UBE2E1: variants seen among roughly 807,000 people sequenced by gnomAD.
UBE2E1 encodes the protein ubiquitin conjugating enzyme E2 E1.
A neutral mutation model predicts 21.4 loss-of-function variants in UBE2E1; 6 were observed. That is an observed-to-expected ratio of 0.28 (90% CI 0.15 to 0.55). UBE2E1 has a LOEUF of 0.55. UBE2E1 is among the 20% of genes least tolerant of loss of function. The pLI, the probability that UBE2E1 is intolerant of heterozygous loss-of-function variation, is 0.93. For synonymous variants in UBE2E1, 87 were observed against 82.7 expected, an observed-to-expected ratio of 1.05 and a Z score of -0.28; for missense variants, 142 against 236.5, an observed-to-expected ratio of 0.60 and a Z score of 2.62.
Position 23,889,161 on chromosome 3 carries a change from T to C in UBE2E1, c.386T>C (p.Val129Ala). 6.2e-7 allele frequency: 1 copy of C among 1,611,818 alleles called. No individual in the cohort carries two copies. Among genetic ancestry groups the C allele is most frequent in the Non-Finnish European group, 8.5e-7 (1 of 1,179,612 alleles). ...IYHCNINSQG[V>A]ICLDILKDNW... ...CATTGTAATATTAACAGTCAAGGTG[T>C]TATTTGCTTGGACATATTGAAAGAT... Residue 129 changes from valine (V) to alanine (A), a missense_variant, in exon 5 of 6, where the codon GTT (valine) becomes GCT (alanine). This residue lies in a region of UBE2E1 where 87 missense variants were observed against 184.9 expected (regional missense o/e 0.47). Coordinates refer to ENST00000306627, the MANE Select transcript of UBE2E1 (RefSeq NM_003341.5).
chr3:23,819,780 T>G (rs915288725), intron 3 of UBE2E1, among the ~76,000 whole-genome samples: 12 of 152,330 alleles, frequency 7.9e-5, no homozygotes, highest in African/African-American at 2.9e-4. Flanking sequence ...CAAGCAGTTT[T>G]GGCAATTTTG....
intron 3 of UBE2E1, among the ~76,000 whole-genome samples, chr3:23,813,566 G>A (rs60283861): frequency 0.03 from 4,557 of 151,822 alleles, 229 homozygotes; most frequent in African/African-American, 0.1. Flanking sequence ...TTTTTGAGAC[G>A]GAGTCTTGCT....
rs1338744148 is a variant in UBE2E1 at position 23,816,300 on chromosome 3, C to G, written c.203+4790C>G. Among the ~76,000 whole-genome samples, 1 of 152,168 alleles carries G rather than the reference C, an allele frequency of 6.6e-6. No individual in the cohort carries two copies. Among genetic ancestry groups the G allele is most frequent in the African/African-American group, 2.4e-5 (1 of 41,426 alleles). On this transcript the variant is annotated intron_variant, in intron 3 of 5. Transcript: ENST00000306627. This position sits in a 1 kb window ranked among gnomAD's most constrained non-coding sequence, Gnocchi z 4.8. The stretch of plus-strand genomic sequence containing the variant: ...CAAAAAGTGGAAAAAACCCAAGTGT[C>G]TGTCAACAGATGAGTGGATAAACAA...
chr3:23,863,821 C>A lies in UBE2E1; in HGVS notation c.204-23746C>A, dbSNP rs551022515. On this transcript the variant is annotated intron_variant, in intron 3 of 5. Coordinates refer to ENST00000306627, the MANE Select transcript of UBE2E1 (RefSeq NM_003341.5). The surrounding 1 kb of genome is among the most constrained non-coding windows in gnomAD (Gnocchi z 4.3). ...CTGGGATTACAGGCGTGAACCACCGCGCCCAGCCTGAATTTTATCTTTTTT... is the reference window on the plus strand; with the variant it reads ...CTGGGATTACAGGCGTGAACCACCGAGCCCAGCCTGAATTTTATCTTTTTT... 6.6e-6 allele frequency among the ~76,000 whole-genome samples: 1 copy of A among 152,158 alleles called. No homozygotes were observed. The highest frequency in any genetic ancestry group is 2.4e-5 in the African/African-American group (1 of 41,426).
intron 3 of UBE2E1, among the ~76,000 whole-genome samples, chr3:23,871,702 G>A (rs1249438254): frequency 1.3e-5 from 2 of 151,672 alleles, no homozygotes; most frequent in South Asian, 2.1e-4. Flanking sequence ...ACGGGGTCGC[G>A]GCCGGGTAGA....
rs55941535 is a variant in UBE2E1 at position 23,842,198 on chromosome 3, GGTGTGTGTGTGTGT to G, written c.203+30726_203+30739del. ...TATGTCATGACCCAGTAAGTGAAGG[GGTGTGTGTGTGTGT>G]GTGTGTGTGTGTGTGTGTGTGTGTG... is the stretch of plus-strand genomic sequence containing the variant. On this transcript the variant is annotated intron_variant, in intron 3 of 5. Transcript: ENST00000306627. The surrounding 1 kb of genome is among the most constrained non-coding windows in gnomAD (Gnocchi z 4.6). Among the ~76,000 whole-genome samples, 2 of 104,284 alleles carry G rather than the reference GGTGTGTGTGTGTGT, an allele frequency of 1.9e-5. No homozygotes were observed. The highest frequency in any genetic ancestry group is 3.9e-5 in the Non-Finnish European group (2 of 50,894). 68.4% of individuals were successfully genotyped at this position (104,284 alleles called of 152,430 possible). A position where few individuals can be genotyped will look rare whatever the true frequency, so the allele number is the denominator to read the frequency against.
Position 23,834,651 on chromosome 3 carries a change from C to T in UBE2E1, c.203+23141C>T, listed in dbSNP as rs576718683. On this transcript the variant is annotated intron_variant, in intron 3 of 5. Coordinates refer to ENST00000306627, the MANE Select transcript of UBE2E1 (RefSeq NM_003341.5). The stretch of plus-strand genomic sequence containing the variant: ...AGCTGAGATGGGAGGATTTCTTGAC[C>T]CCAGGAGTTTGAGGCTGCAGTGGGC... Among the ~76,000 whole-genome samples the T allele has an allele frequency of 6.6e-5, 10 of 152,026 alleles. No homozygotes were observed. In the East Asian group the frequency reaches 1.9e-3, roughly 29 times the overall value.
chr3:23,810,507 G>C lies in UBE2E1; in HGVS notation c.153-953G>C. On this transcript the variant is annotated intron_variant, in intron 2 of 5. Coordinates refer to ENST00000306627, the MANE Select transcript of UBE2E1 (RefSeq NM_003341.5). This position sits in a 1 kb window ranked among gnomAD's most constrained non-coding sequence, Gnocchi z 5.8. ...GAAGTGGGCAGACCCCGGGAAGTTA[G>C]AGGACGCCCGGGGAAAAGCAGGTCC... 1 of 1,535,638 alleles carries C rather than the reference G, an allele frequency of 6.5e-7. No individual in the cohort carries two copies. The highest frequency in any genetic ancestry group is 1.2e-5 in the South Asian group (1 of 84,052).
rs182951438 is a variant in UBE2E1 at position 23,868,810 on chromosome 3, G to C, written c.204-18757G>C. Among the ~76,000 whole-genome samples the C allele has an allele frequency of 4.3e-4, 65 of 151,782 alleles. 1 individual carries two copies. The highest frequency in any genetic ancestry group is 1.5e-3 in the African/African-American group (64 of 41,372). ...TGCAAGTATAACCACTATTAAGTTC[G>C]GGTATATTTATATCTTACAAAAATG... On this transcript the variant is annotated intron_variant, in intron 3 of 5. Transcript: ENST00000306627.
chr3:23,878,916 C>G (rs1700977217), intron 3 of UBE2E1: 2 of 359,200 alleles, frequency 5.6e-6, no homozygotes, highest in Non-Finnish European at 5.5e-6. Context: ...ATCCCACCCC[C>G]CATCTGTGGA....
rs1038566225 is a variant in UBE2E1, at chr3:23,808,431, A to C, written c.152+1010A>C. ...GTGGCAAACCAGGAAGATAGTAAGA[A>C]CTCCAAATGATGGGATAGGGATACC... On this transcript the variant is annotated intron_variant, in intron 2 of 5. Coordinates refer to ENST00000306627, the MANE Select transcript of UBE2E1 (RefSeq NM_003341.5). The surrounding 1 kb of genome is among the most constrained non-coding windows in gnomAD (Gnocchi z 4.9). 6.6e-6 allele frequency among the ~76,000 whole-genome samples: 1 copy of C among 152,138 alleles called. No homozygotes were observed. The highest frequency in any genetic ancestry group is 2.4e-5 in the African/African-American group (1 of 41,432).
chr3:23,844,993 T>A (rs1250031778), intron 3 of UBE2E1, among the ~76,000 whole-genome samples: 1 of 152,180 alleles, frequency 6.6e-6, no homozygotes, highest in African/African-American at 2.4e-5. Context: ...ATGGGATTGT[T>A]CATAGATGGT....
intron 3 of UBE2E1, among the ~76,000 whole-genome samples, chr3:23,878,732 C>T (rs780864986): frequency 5.9e-5 from 9 of 152,224 alleles, no homozygotes; most frequent in Non-Finnish European, 1.3e-4. Flanking sequence ...TGATCTGCTA[C>T]TGTCACCCAT....
chr3:23,838,294 T>G (rs1700011537), intron 3 of UBE2E1, among the ~76,000 whole-genome samples: 1 of 152,132 alleles, frequency 6.6e-6, no homozygotes, highest in Non-Finnish European at 1.5e-5. Context: ...CTTGAACTTC[T>G]GGGCTCAAGT....
At chr3:23,871,152 C>T (rs1351441923) in intron 3 of UBE2E1, among the ~76,000 whole-genome samples, 4 of 152,026 alleles carry the variant, frequency 2.6e-5, no homozygotes, top group Non-Finnish European at 4.4e-5. Context: ...TTCCACAAAA[C>T]CGCCATTGTC....
Position 23,827,797 on chromosome 3 carries a change from T to C in UBE2E1, c.203+16287T>C, listed in dbSNP as rs1310613595. On this transcript the variant is annotated intron_variant, in intron 3 of 5. Coordinates refer to ENST00000306627, the MANE Select transcript of UBE2E1 (RefSeq NM_003341.5). ...TTCTCCAGTGTAGATTTAATTCTTA[T>C]ATTCTTTTGTTTAAAAATCTAAGGT... Among the ~76,000 whole-genome samples the C allele has an allele frequency of 3.9e-5, 6 of 152,182 alleles. 1 individual carries two copies. The highest frequency in any genetic ancestry group is 1.9e-4 in the East Asian group (1 of 5,182).
intron 3 of UBE2E1, among the ~76,000 whole-genome samples, chr3:23,830,704 T>TGGCC (rs1699849520): frequency 6.6e-6 from 1 of 152,186 alleles, no homozygotes; most frequent in Non-Finnish European, 1.5e-5. Context: ...TGTTTAAGAG[T>TGGCC]GGCCTTGTCA....
In UBE2E1 at chr3:23,887,011, A is replaced by G. The variant is rs577177400; in HGVS notation, c.204-556A>G. Among the ~76,000 whole-genome samples the G allele has an allele frequency of 3.3e-5, 5 of 152,354 alleles. No individual in the cohort carries two copies. In the South Asian group the frequency reaches 1.0e-3, roughly 32 times the overall value. ...CAATTATAGAATACACATTGAAATG[A>G]AAATTGAATAACCTGTAACTGGATA... On this transcript the variant is annotated intron_variant, in intron 3 of 5. Transcript: ENST00000306627. The surrounding 1 kb of genome is among the most constrained non-coding windows in gnomAD (Gnocchi z 4.4).
At chr3:23,884,437 C>T (rs988962793) in intron 3 of UBE2E1, among the ~76,000 whole-genome samples, 1 of 152,070 alleles carries the variant, frequency 6.6e-6, no homozygotes, top group Non-Finnish European at 1.5e-5. Flanking sequence ...TCTTGGGTCC[C>T]CTCTAGATAT....
Sources: gnomAD v4.1 joint callset for allele counts (sites outside exome capture counted in the v4.1 genomes callset) on GRCh38, gnomAD v4.1.1 for gene constraint, gnomAD v4.1.1 regional missense constraint, Gnocchi (gnomAD v3.1) non-coding constraint, MANE v1.5 for transcripts, NCBI Gene and HGNC (gene_info 2026-07-23, HGNC 2026-07-21) for gene names.